The following FRMD4B variants were observed in gnomAD, a reference collection of about 807,000 sequenced individuals.
FRMD4B encodes FERM domain-containing protein 4B.
A neutral mutation model predicts 141.5 loss-of-function variants in FRMD4B; 74 were observed. The observed-to-expected ratio is 0.52, with a 90% CI of 0.43 to 0.63. The LOEUF is 0.63. Among genes scored for constraint, FRMD4B ranks in the 30% least tolerant of loss-of-function variants. The pLI, the probability that FRMD4B is intolerant of heterozygous loss-of-function variation, is 0.00. For synonymous variants in FRMD4B, 506 were observed against 467.9 expected (o/e 1.08, Z -1.05); for missense variants, 1,366 against 1,253.4 (o/e 1.09, Z -1.36).
intron 1 of FRMD4B, among the ~76,000 whole-genome samples, chr3:69,496,628 AGAGAGAGAAAGAG>A (rs1706397244): frequency 1.1e-5 from 1 of 89,614 alleles, no homozygotes; most frequent in Non-Finnish European, 2.2e-5. Context: ...AGAGAGAGAG[AGAGAGAGAAAGAG>A]AGAGAGAGAG....
chr3:69,420,290 C>CA (rs56707719), intron 2 of FRMD4B, among the ~76,000 whole-genome samples: 2,298 of 131,976 alleles, frequency 0.017, 43 homozygotes, highest in African/African-American at 0.034. Context: ...AAAGGGATAT[C>CA]AAAAAAAAAA....
intron 1 of FRMD4B, among the ~76,000 whole-genome samples, chr3:69,347,661 A>G (rs868657493): frequency 9.9e-5 from 15 of 152,200 alleles, no homozygotes; most frequent in Middle Eastern, 3.2e-3. Context: ...TCAAACTAGA[A>G]CTCAGGATTA....
At chr3:69,342,380 C>A (rs1311522056) in intron 1 of FRMD4B, among the ~76,000 whole-genome samples, 1 of 152,134 alleles carries the variant, frequency 6.6e-6, no homozygotes, top group Non-Finnish European at 1.5e-5. Context: ...CAGACACTAT[C>A]AAGATGCAGA....
intron 1 of FRMD4B, among the ~76,000 whole-genome samples, chr3:69,368,009 C>G (rs1703715756): frequency 6.6e-6 from 1 of 152,128 alleles, no homozygotes; most frequent in Admixed American, 6.5e-5. Flanking sequence ...GTATGTAAAA[C>G]ATGTTATAGT....
At chr3:69,318,425 C>A (rs573169407) in intron 1 of FRMD4B, among the ~76,000 whole-genome samples, 2 of 152,114 alleles carry the variant, frequency 1.3e-5, no homozygotes, top group Non-Finnish European at 2.9e-5. Flanking sequence ...AGGCGCCCAT[C>A]GATGACAATA....
chr3:69,234,594 T>C (rs536967448), intron 7 of FRMD4B, among the ~76,000 whole-genome samples: 1 of 152,326 alleles, frequency 6.6e-6, no homozygotes, highest in East Asian at 1.9e-4. Context: ...ACTTAACAAC[T>C]AGAAATTTCT....
At chr3:69,373,175 CTACT>C (rs1463245062) in intron 1 of FRMD4B, among the ~76,000 whole-genome samples, 1 of 152,172 alleles carries the variant, frequency 6.6e-6, no homozygotes, top group Non-Finnish European at 1.5e-5. Flanking sequence ...AGTGGAAAGG[CTACT>C]TAAAGAATAG....
intron 10 of FRMD4B, 82 bp from the exon 11 acceptor site, chr3:69,216,431 T>TC: frequency 1.8e-5 from 4 of 226,736 alleles, no homozygotes; most frequent in Non-Finnish European, 1.7e-5. Flanking sequence ...TTTCACCTCT[T>TC]TTTTTTTTTT....
chr3:69,372,884 A>C (rs934651015), intron 1 of FRMD4B, among the ~76,000 whole-genome samples: 1 of 152,206 alleles, frequency 6.6e-6, no homozygotes, highest in African/African-American at 2.4e-5. Flanking sequence ...TCTCCAATTT[A>C]AAAATGAGGC....
At chr3:69,421,155 G>T (rs2106808359) in intron 2 of FRMD4B, among the ~76,000 whole-genome samples, 1 of 152,272 alleles carries the variant, frequency 6.6e-6, no homozygotes. Flanking sequence ...GGTGCTACTT[G>T]GTCCCCCTTT....
At chr3:69,199,715 A>G (rs1019236606) in intron 11 of FRMD4B, among the ~76,000 whole-genome samples, 19 of 152,222 alleles carry the variant, frequency 1.2e-4, no homozygotes, top group African/African-American at 4.3e-4. Flanking sequence ...ACACTCTGAT[A>G]TACACACTAC....
chr3:69,346,238 A>C (rs1702936738), intron 1 of FRMD4B, among the ~76,000 whole-genome samples: 1 of 152,092 alleles, frequency 6.6e-6, no homozygotes, highest in South Asian at 2.1e-4. Context: ...TGAGTGATTG[A>C]AGATTAAATG....
Position 69,183,474 on chromosome 3 carries a change from ATTT to A in FRMD4B, c.1920-760_1920-758del, listed in dbSNP as rs771537044. 1.8e-3 allele frequency among the ~76,000 whole-genome samples: 205 copies of A among 113,270 alleles called. 2 individuals are homozygous for A. The highest frequency in any genetic ancestry group is 7.4e-3 in the African/African-American group (195 of 26,482). 74.3% of individuals were successfully genotyped at this position (113,270 alleles called of 152,430 possible). A position where few individuals can be genotyped will look rare whatever the true frequency, so the allele number is the denominator to read the frequency against. On this transcript the variant is annotated intron_variant, in intron 19 of 22. Transcript: ENST00000398540. Reference sequence around the variant, plus strand: ...ATGGTGACAACACAATTAGAAGTTAATTTTTTTTTTTTTTTTTTTTTTTTTTGA... The same window carrying A: ...ATGGTGACAACACAATTAGAAGTTAATTTTTTTTTTTTTTTTTTTTTTTGA...
At chr3:69,429,151 C>G (rs1402198514) in intron 2 of FRMD4B, among the ~76,000 whole-genome samples, 1 of 152,202 alleles carries the variant, frequency 6.6e-6, no homozygotes, top group Non-Finnish European at 1.5e-5. Context: ...TTATCCACTT[C>G]TCTCCTATCA....
chr3:69,202,930 G>GA (rs2092983486), intron 11 of FRMD4B, among the ~76,000 whole-genome samples: 1 of 151,924 alleles, frequency 6.6e-6, no homozygotes, highest in South Asian at 2.1e-4. Context: ...AACAGGAGGA[G>GA]AATATCTTAA....
Position 69,193,877 on chromosome 3 carries a change from C to T in FRMD4B, c.1489-4G>A. On this transcript the variant is annotated splice_polypyrimidine_tract_variant and splice_region_variant and intron_variant, in intron 16 of 22. Coordinates refer to ENST00000398540, the MANE Select transcript of FRMD4B (RefSeq NM_015123.3). ...CCAGTTCTTGCAAAGCAGGATCCTG[C>T]ATTTATACAATGATAGTTTTATTTT... 1.3e-6 allele frequency: 2 copies of T among 1,554,664 alleles called. No individual in the cohort carries two copies. The highest frequency in any genetic ancestry group is 1.8e-6 in the Non-Finnish European group (2 of 1,132,052).
At chr3:69,214,834 C>T (rs1428526222) in intron 11 of FRMD4B, among the ~76,000 whole-genome samples, 1 of 151,962 alleles carries the variant, frequency 6.6e-6, no homozygotes, top group Admixed American at 6.6e-5. Flanking sequence ...TGCACTCCAG[C>T]CAAGGGAACA....
chr3:69,440,578 G>T (rs1705327805), intron 1 of FRMD4B, among the ~76,000 whole-genome samples: 1 of 152,226 alleles, frequency 6.6e-6, no homozygotes. Flanking sequence ...GCCAAGGCAG[G>T]TGGATCACTT....
At chr3:69,450,617 G>A (rs1705480399) in intron 1 of FRMD4B, among the ~76,000 whole-genome samples, 1 of 152,176 alleles carries the variant, frequency 6.6e-6, no homozygotes, top group Admixed American at 6.5e-5. Context: ...AGCTGGGCAT[G>A]GTTGTACGTG....
Sources: gnomAD v4.1 joint callset for allele counts (sites outside exome capture counted in the v4.1 genomes callset) on GRCh38, gnomAD v4.1.1 for gene constraint, MANE v1.5 for transcripts, NCBI Gene and HGNC (gene_info 2026-07-23, HGNC 2026-07-21) for gene names.